The following IL1RAP variants were observed in gnomAD, a reference collection of about 807,000 sequenced individuals.
IL1RAP encodes the protein interleukin-1 receptor accessory protein.
In IL1RAP, 35 loss-of-function variants were observed where a neutral mutation model predicts 60.7. The ratio of observed to expected loss-of-function variants is 0.58; its 90% confidence interval spans 0.44 to 0.76. The LOEUF (loss-of-function observed/expected upper bound fraction) is 0.76. Among genes scored for constraint, IL1RAP ranks in the 30% least tolerant of loss-of-function variants. IL1RAP has a pLI of 0.00. For synonymous variants in IL1RAP, 268 were observed against 250.9 expected, an observed-to-expected ratio of 1.07 and a Z score of -0.64; for missense variants, 572 against 693.9, an observed-to-expected ratio of 0.82 and a Z score of 1.97.
In IL1RAP at chr3:190,612,295, A is replaced by G. The variant is rs180930605; in HGVS notation, c.537+3114A>G. On this transcript the variant is annotated intron_variant, in intron 5 of 11. Coordinates refer to ENST00000447382, the MANE Select transcript of IL1RAP (RefSeq NM_002182.4). ...AAATAATATTAACAGTTTTACATCA[A>G]TAAGTGTAATATACCTTCCAGTTAA... Among the ~76,000 whole-genome samples the G allele has an allele frequency of 4.6e-5, 7 of 152,300 alleles. No individual in the cohort carries two copies. In the East Asian group the frequency reaches 9.6e-4, roughly 21 times the overall value.
At chr3:190,550,075 C>T (rs1055430973) in intron 1 of IL1RAP, among the ~76,000 whole-genome samples, 1 of 152,172 alleles carries the variant, frequency 6.6e-6, no homozygotes, top group African/African-American at 2.4e-5. Flanking sequence ...ACGTGCCGCC[C>T]ATGGTTGCCA....
intron 3 of IL1RAP, among the ~76,000 whole-genome samples, chr3:190,601,773 G>A (rs973348999): frequency 2.0e-5 from 3 of 152,024 alleles, no homozygotes; most frequent in African/African-American, 7.2e-5. Flanking sequence ...TGTACCTTTG[G>A]TCAGTTGTGG....
rs142665925 is a variant in IL1RAP, at chr3:190,627,396, C to T, written c.849C>T (p.Thr283=). ...ATTCTCGCAATGAGGTTTGGTGGACCATTGATGGAAAAAAACCTGATGACA... is the reference window on the plus strand; with the variant it reads ...ATTCTCGCAATGAGGTTTGGTGGACTATTGATGGAAAAAAACCTGATGACA... ...LMDSRNEVWW[T]IDGKKPDDIT... The change falls in exon 8 of 12, where the codon ACC becomes ACT. Residue 283 remains threonine, a synonymous_variant. Transcript: ENST00000447382. 5.2e-4 allele frequency: 835 copies of T among 1,612,478 alleles called. 14 individuals are homozygous for T. In the Admixed American group the frequency reaches 0.012, roughly 24 times the overall value.
chr3:190,564,438 T>C (rs1726189617), intron 3 of IL1RAP, 85 bp downstream of exon 3: 1 of 865,992 alleles, frequency 1.2e-6, no homozygotes, highest in South Asian at 1.3e-5. Context: ...TGAATTTAAA[T>C]AAACATAATG....
At chr3:190,537,457 T>C (rs932120121) in intron 1 of IL1RAP, among the ~76,000 whole-genome samples, 5 of 152,178 alleles carry the variant, frequency 3.3e-5, no homozygotes, top group East Asian at 3.9e-4. Context: ...AATTAGCAGC[T>C]TTTGACAGTA....
chr3:190,636,541 T>C (rs1404053748), intron 9 of IL1RAP, among the ~76,000 whole-genome samples: 1 of 152,024 alleles, frequency 6.6e-6, no homozygotes, highest in African/African-American at 2.4e-5. Context: ...TTTTAATTAA[T>C]TAATTTTTTT....
At chr3:190,528,945 G>T (rs571572912) in intron 1 of IL1RAP, among the ~76,000 whole-genome samples, 1 of 152,172 alleles carries the variant, frequency 6.6e-6, no homozygotes, top group Non-Finnish European at 1.5e-5. Context: ...ACAATTGTGG[G>T]AGAGACTGGG....
chr3:190,627,129 C>G (rs555832275), intron 7 of IL1RAP, among the ~76,000 whole-genome samples, 194 bp from the exon 8 acceptor site: 2 of 152,068 alleles, frequency 1.3e-5, no homozygotes, highest in Non-Finnish European at 2.9e-5. Context: ...TTATGGGAGT[C>G]GACTAGAGAA....
At chr3:190,621,569 A>G (rs1731783792) in intron 6 of IL1RAP, among the ~76,000 whole-genome samples, 1 of 152,212 alleles carries the variant, frequency 6.6e-6, no homozygotes, top group South Asian at 2.1e-4. Flanking sequence ...TCTGATTAAC[A>G]GATTTAAAAA....
intron 2 of IL1RAP, among the ~76,000 whole-genome samples, chr3:190,562,032 C>T (rs567247446): frequency 6.6e-6 from 1 of 152,280 alleles, no homozygotes; most frequent in South Asian, 2.1e-4. Context: ...TAAGGCTTTG[C>T]CATATTATGA....
At position 190,535,432 on chromosome 3, in the gene IL1RAP, C is replaced by T. The variant is rs553256630; in HGVS notation, c.-88-20698C>T. 4.6e-5 allele frequency among the ~76,000 whole-genome samples: 7 copies of T among 152,290 alleles called. No individual in the cohort carries two copies. The East Asian group carries it at 9.6e-4, about 21-fold the overall frequency. ...TGTGACTTAGTTTCCCTATTATCCACGTGTTAAACATAAGTTCTTTGTACA... is the reference window on the plus strand; with the variant it reads ...TGTGACTTAGTTTCCCTATTATCCATGTGTTAAACATAAGTTCTTTGTACA... On this transcript the variant is annotated intron_variant, in intron 1 of 11. Transcript: ENST00000447382.
chr3:190,631,867 C>T (rs1732816469), intron 9 of IL1RAP, among the ~76,000 whole-genome samples: 1 of 151,920 alleles, frequency 6.6e-6, no homozygotes, highest in African/African-American at 2.4e-5. Flanking sequence ...GTGGCATGAT[C>T]TCGGCTCACT....
At chr3:190,577,962 G>A (rs1325887805) in intron 3 of IL1RAP, among the ~76,000 whole-genome samples, 2 of 152,074 alleles carry the variant, frequency 1.3e-5, no homozygotes, top group African/African-American at 4.8e-5. Flanking sequence ...TAGGATTATG[G>A]CCTCCAACTG....
Position 190,569,584 on chromosome 3 carries a change from C to CT in IL1RAP, c.64+5243dup, listed in dbSNP as rs3841957. 7.3e-3 allele frequency among the ~76,000 whole-genome samples: 1,085 copies of CT among 148,338 alleles called. 7 individuals are homozygous for CT. Among genetic ancestry groups the CT allele is most frequent in the African/African-American group, 0.023 (936 of 40,466 alleles). ...TGCCTCTCGGAAGCAGATCTCTTCA[C>CT]TTTTTTTTTTTTCTTTAGCTGTGTT... On this transcript the variant is annotated intron_variant, in intron 3 of 11. Coordinates refer to ENST00000447382, the MANE Select transcript of IL1RAP (RefSeq NM_002182.4).
chr3:190,577,900 A>T lies in IL1RAP; in HGVS notation c.64+13547A>T, dbSNP rs536143517. ...GAAAAGTGGAATTATGTTTGGGTTTATTTCTGCCCCTTTTAAAATAACTTT... is the reference window on the plus strand; with the variant it reads ...GAAAAGTGGAATTATGTTTGGGTTTTTTTCTGCCCCTTTTAAAATAACTTT... On this transcript the variant is annotated intron_variant, in intron 3 of 11. Transcript: ENST00000447382. Among the ~76,000 whole-genome samples the T allele has an allele frequency of 3.9e-5, 6 of 152,286 alleles. No homozygotes were observed. The South Asian group carries it at 1.2e-3, about 32-fold the overall frequency.
chr3:190,601,031 C>G (rs909027235), intron 3 of IL1RAP, among the ~76,000 whole-genome samples: 1 of 152,192 alleles, frequency 6.6e-6, no homozygotes, highest in African/African-American at 2.4e-5. Flanking sequence ...CTCACCCAGG[C>G]TGGAGTGCAG....
chr3:190,616,496 T>C (rs1279501368), intron 5 of IL1RAP, among the ~76,000 whole-genome samples: 1 of 152,166 alleles, frequency 6.6e-6, no homozygotes, highest in Non-Finnish European at 1.5e-5. Flanking sequence ...TTGTAAATAT[T>C]TGTTGTGTAA....
chr3:190,560,842 C>T (rs1010642340), intron 2 of IL1RAP, among the ~76,000 whole-genome samples: 1 of 152,172 alleles, frequency 6.6e-6, no homozygotes, highest in Non-Finnish European at 1.5e-5. Flanking sequence ...CCATCTTTAA[C>T]ATTGTCGTCG....
intron 3 of IL1RAP, among the ~76,000 whole-genome samples, chr3:190,577,100 C>CAAAAAAAA (rs34108263): frequency 1.2e-5 from 1 of 86,524 alleles, no homozygotes; most frequent in Non-Finnish European, 2.2e-5. Flanking sequence ...GACTCCGTCT[C>CAAAAAAAA]AAAAAAAAAA....
Sources: allele counts gnomAD v4.1 joint callset (sites outside exome capture counted in the v4.1 genomes callset), GRCh38; gene constraint gnomAD v4.1.1; transcripts MANE v1.5; gene names NCBI Gene and HGNC (gene_info 2026-07-23, HGNC 2026-07-21).